MACROD2: variants seen among roughly 807,000 people sequenced by gnomAD.
MACROD2 encodes ADP-ribose glycohydrolase MACROD2.
Under a neutral mutation model 70.4 loss-of-function variants are expected in MACROD2, and 36 were observed. The ratio of observed to expected loss-of-function variants is 0.51; its 90% CI spans 0.39 to 0.68. The LOEUF is 0.68. MACROD2 is among the 30% of genes least tolerant of loss of function. MACROD2 has a pLI of 0.00. For missense variants in MACROD2, 496 were observed against 538.4 expected (o/e 0.92, Z 0.78); for synonymous variants, 172 against 178.8 (o/e 0.96, Z 0.30).
At chr20:14,887,686 C>CCA in intron 5 of MACROD2, among the ~76,000 whole-genome samples, 1 of 152,154 alleles carries the variant, frequency 6.6e-6, no homozygotes, top group East Asian at 1.9e-4. Context: ...CCGTGGCTGG[C>CCA]CATGTTGAGC....
chr20:15,481,379 T>A (rs2047095178), intron 7 of MACROD2, among the ~76,000 whole-genome samples: 2 of 152,228 alleles, frequency 1.3e-5, no homozygotes, highest in Non-Finnish European at 2.9e-5. Context: ...AGGCAGAGGC[T>A]GGCCAAATTT....
At chr20:15,862,265 C>A (rs1458682284) in intron 8 of MACROD2, among the ~76,000 whole-genome samples, 4 of 152,192 alleles carry the variant, frequency 2.6e-5, no homozygotes, top group Non-Finnish European at 5.9e-5. Flanking sequence ...AACTAAACTG[C>A]ATGGAAGCTT....
rs147562813 is a variant in MACROD2 at position 14,089,467 on chromosome 20, A to G, written c.271+3739A>G. 4.7e-3 allele frequency among the ~76,000 whole-genome samples: 717 copies of G among 152,330 alleles called. 6 individuals are homozygous for G. Among genetic ancestry groups the G allele is most frequent in the Non-Finnish European group, 7.9e-3 (538 of 68,026 alleles). On this transcript the variant is annotated intron_variant, in intron 3 of 17. Transcript: ENST00000684519. ...TTAGACTTCTGAAGTTCTCATGACCATATTAGTACATTGGAACACCTGGTC... is the reference window on the plus strand; with the variant it reads ...TTAGACTTCTGAAGTTCTCATGACCGTATTAGTACATTGGAACACCTGGTC...
At chr20:14,556,096 G>A (rs1979014452) in intron 4 of MACROD2, among the ~76,000 whole-genome samples, 1 of 151,956 alleles carries the variant, frequency 6.6e-6, no homozygotes, top group Non-Finnish European at 1.5e-5. Flanking sequence ...GAATAATCTG[G>A]TACCTTCACC....
At chr20:14,458,098 C>G (rs2084324705) in intron 3 of MACROD2, among the ~76,000 whole-genome samples, 1 of 150,532 alleles carries the variant, frequency 6.6e-6, no homozygotes, top group South Asian at 2.1e-4. Flanking sequence ...AAGACTCCAT[C>G]TCAGAGAAAA....
intron 3 of MACROD2, among the ~76,000 whole-genome samples, chr20:14,274,961 AG>A (rs2082236436): frequency 6.6e-6 from 1 of 152,202 alleles, no homozygotes; most frequent in Admixed American, 6.5e-5. Context: ...GACCTCTTCA[AG>A]GATAACTACA....
At chr20:14,006,860 G>A (rs1444738836) in intron 2 of MACROD2, among the ~76,000 whole-genome samples, 1 of 151,668 alleles carries the variant, frequency 6.6e-6, no homozygotes, top group East Asian at 1.9e-4. Context: ...TTATGAGTTG[G>A]TAGTTAAATC....
chr20:14,233,618 A>G (rs1419115519), intron 3 of MACROD2, among the ~76,000 whole-genome samples: 1 of 146,942 alleles, frequency 6.8e-6, no homozygotes, highest in Non-Finnish European at 1.5e-5. Context: ...AATGGCCTGA[A>G]CCCGGGAGGC....
Position 14,703,626 on chromosome 20 carries a change from A to G in MACROD2, c.418+18667A>G, listed in dbSNP as rs550108336. Among the ~76,000 whole-genome samples, 3 of 152,328 alleles carry G rather than the reference A, an allele frequency of 2.0e-5. No homozygotes were observed. The South Asian group carries it at 6.2e-4, about 32-fold the overall frequency. ...GCGACTAGGGAGGCTTGAGGCCAGG[A>G]GTTCAAGACCAGCCTGGGCAACAAA... On this transcript the variant is annotated intron_variant, in intron 5 of 17. Coordinates refer to ENST00000684519, the MANE Select transcript of MACROD2 (RefSeq NM_001351661.2).
At chr20:14,284,946 T>C (rs561854822) in intron 3 of MACROD2, among the ~76,000 whole-genome samples, 8 of 152,188 alleles carry the variant, frequency 5.3e-5, no homozygotes, top group Non-Finnish European at 1.2e-4. Context: ...ATAAGCTTGT[T>C]TATGGATTGA....
chr20:14,325,941 G>A (rs772370066), intron 3 of MACROD2: 2 of 1,613,926 alleles, frequency 1.2e-6, no homozygotes, highest in Admixed American at 3.3e-5. Context: ...TGGGGTTTTT[G>A]TAAGGTTCTT....
intron 5 of MACROD2, among the ~76,000 whole-genome samples, chr20:15,212,600 A>G (rs1024903491): frequency 6.6e-6 from 1 of 152,242 alleles, no homozygotes; most frequent in Non-Finnish European, 1.5e-5. Flanking sequence ...GGTCAAGGTC[A>G]TTAACACAAT....
chr20:15,735,545 A>G (rs952107926), intron 8 of MACROD2, among the ~76,000 whole-genome samples: 1 of 152,184 alleles, frequency 6.6e-6, no homozygotes, highest in Non-Finnish European at 1.5e-5. Context: ...TTTCATTTGA[A>G]ACAGTTTTAA....
At position 14,326,002 on chromosome 20, in the gene MACROD2, G is replaced by A. The variant is rs762486243; in HGVS notation, c.272-167477G>A. On this transcript the variant is annotated intron_variant, in intron 3 of 17. Coordinates refer to ENST00000684519, the MANE Select transcript of MACROD2 (RefSeq NM_001351661.2). This position sits in a 1 kb window ranked among gnomAD's most constrained non-coding sequence, Gnocchi z 5.5. ...TGTAGGGTTGTACATTCGAAGGGGTGCAGTTTCAGTCTCAATACAAACAGG... is the reference window on the plus strand; with the variant it reads ...TGTAGGGTTGTACATTCGAAGGGGTACAGTTTCAGTCTCAATACAAACAGG... The A allele has an allele frequency of 1.9e-6, 3 of 1,613,790 alleles. No individual in the cohort carries two copies. In the African/African-American group the frequency reaches 4.0e-5, roughly 22 times the overall value.
rs8125646 is a variant in MACROD2 at position 15,538,627 on chromosome 20, G to A, written c.645+38780G>A. On this transcript the variant is annotated intron_variant, in intron 8 of 17. Coordinates refer to ENST00000684519, the MANE Select transcript of MACROD2 (RefSeq NM_001351661.2). ...TTCAAATGTTAGATACAGAGAAGTA[G>A]AGACTGAGAAGAGAGCAAGGCCCAT... Among the ~76,000 whole-genome samples the A allele has an allele frequency of 9.3e-3, 1,416 of 152,276 alleles. 26 individuals are homozygous for A. Among genetic ancestry groups the A allele is most frequent in the African/African-American group, 0.031 (1,280 of 41,548 alleles).
intron 6 of MACROD2, among the ~76,000 whole-genome samples, chr20:15,307,527 T>G (rs192070494): frequency 5.9e-5 from 9 of 152,302 alleles, no homozygotes; most frequent in Non-Finnish European, 8.8e-5. Flanking sequence ...TTAGTAAATG[T>G]CATTATCATG....
chr20:15,883,267 G>A (rs566157493), intron 9 of MACROD2, among the ~76,000 whole-genome samples: 1 of 151,962 alleles, frequency 6.6e-6, no homozygotes, highest in African/African-American at 2.4e-5. Context: ...CAGAGAGTCT[G>A]TTGTCATACA....
At position 14,709,606 on chromosome 20, in the gene MACROD2, C is replaced by T. The variant is rs191563224; in HGVS notation, c.418+24647C>T. ...CAAAAAAGGCATATTGTTCATAAAG[C>T]GTGACTGGCTGTAGCAAGAGATGAC... On this transcript the variant is annotated intron_variant, in intron 5 of 17. Transcript: ENST00000684519. Among the ~76,000 whole-genome samples the T allele has an allele frequency of 9.5e-4, 144 of 152,228 alleles. 1 individual carries two copies. The highest frequency in any genetic ancestry group is 3.1e-3 in the African/African-American group (130 of 41,542).
intron 8 of MACROD2, among the ~76,000 whole-genome samples, chr20:15,839,930 C>T (rs897645239): frequency 6.6e-6 from 1 of 152,130 alleles, no homozygotes. Context: ...GTTCCCTCAT[C>T]TATGAAATAG....
Sources: allele counts gnomAD v4.1 joint callset (sites outside exome capture counted in the v4.1 genomes callset), GRCh38; gene constraint gnomAD v4.1.1; non-coding constraint Gnocchi (gnomAD v3.1); transcripts MANE v1.5; gene names NCBI Gene and HGNC (gene_info 2026-07-23, HGNC 2026-07-21).